The following KATNAL1 variants were observed in gnomAD, a reference collection of about 807,000 sequenced individuals.
The protein encoded by KATNAL1 is katanin catalytic subunit A1 like 1.
KATNAL1 carries 32 observed loss-of-function variants against 55.2 expected under a neutral mutation model. That is an observed-to-expected ratio of 0.58 (90% confidence interval 0.44 to 0.78). The LOEUF is 0.78. Ranked by LOEUF, KATNAL1 falls within the 30% of genes least tolerant of loss-of-function variation. KATNAL1 has a pLI of 0.00. For synonymous variants in KATNAL1, 193 were observed against 193.6 expected (o/e 1.00, Z 0.02); for missense variants, 466 against 600.9 (o/e 0.78, Z 2.35).
At chr13:30,223,049 C>G (rs139668100) in intron 9 of KATNAL1, among the ~76,000 whole-genome samples, 5 of 151,560 alleles carry the variant, frequency 3.3e-5, no homozygotes, top group Non-Finnish European at 7.4e-5. Context: ...AAGCCCAGAT[C>G]GCGCCACTGC....
intron 1 of KATNAL1, among the ~76,000 whole-genome samples, chr13:30,299,573 T>G (rs1882737212): frequency 6.6e-6 from 1 of 152,170 alleles, no homozygotes; most frequent in South Asian, 2.1e-4. Flanking sequence ...TAAATCTCCT[T>G]TAATATAAAT....
intron 1 of KATNAL1, among the ~76,000 whole-genome samples, chr13:30,294,941 T>C (rs1882381743): frequency 6.6e-6 from 1 of 152,250 alleles, no homozygotes. Context: ...GTTTACAGTA[T>C]GGCTTACTGA....
chr13:30,215,903 T>G lies in KATNAL1; in HGVS notation c.1148-5461A>C, dbSNP rs1281559695. Reference sequence around the variant, plus strand: ...AACTAACCTGCCCATTGTGCACATGTACCCTAAAACTTAAAGTATAATAAT... The same window carrying G: ...AACTAACCTGCCCATTGTGCACATGGACCCTAAAACTTAAAGTATAATAAT... On this transcript the variant is annotated intron_variant, in intron 9 of 10. Transcript: ENST00000380615. 5.3e-5 allele frequency among the ~76,000 whole-genome samples: 8 copies of G among 152,252 alleles called. No homozygotes were observed. In the East Asian group the frequency reaches 1.5e-3, roughly 29 times the overall value.
Position 30,281,468 on chromosome 13 carries a change from T to C in KATNAL1, c.163-1245A>G, listed in dbSNP as rs984906372. On this transcript the variant is annotated intron_variant, in intron 2 of 10. Coordinates refer to ENST00000380615, the MANE Select transcript of KATNAL1 (RefSeq NM_032116.5). ...GAATATATAAAAAACATTTCCATAA[T>C]AGATTAATAAAATACCCTGCCTGTG... Among the ~76,000 whole-genome samples the C allele has an allele frequency of 2.6e-5, 4 of 152,264 alleles. No individual in the cohort carries two copies. The South Asian group carries it at 6.2e-4, about 24-fold the overall frequency.
chr13:30,290,324 G>C (rs1358565679), intron 1 of KATNAL1, among the ~76,000 whole-genome samples: 1 of 149,224 alleles, frequency 6.7e-6, no homozygotes, highest in Admixed American at 6.6e-5. Flanking sequence ...CCAGGAAAGA[G>C]AGAAAAAAAA....
chr13:30,241,207 T>A, intron 4 of KATNAL1, 121 bp from the exon 5 acceptor site: 1 of 885,464 alleles, frequency 1.1e-6, no homozygotes, highest in Non-Finnish European at 1.7e-6. Context: ...TTTAAGGTAG[T>A]ATTTTCTGAT....
intron 9 of KATNAL1, among the ~76,000 whole-genome samples, chr13:30,213,470 A>G (rs1308845421): frequency 6.6e-6 from 1 of 152,064 alleles, no homozygotes; most frequent in Non-Finnish European, 1.5e-5. Flanking sequence ...GACACACCCA[A>G]AAAAGAGAAT....
intron 3 of KATNAL1, among the ~76,000 whole-genome samples, chr13:30,263,213 C>T (rs534823976): frequency 2.6e-5 from 4 of 152,208 alleles, no homozygotes; most frequent in South Asian, 2.1e-4. Flanking sequence ...ATTGATGGGA[C>T]GTATCTCAAA....
In KATNAL1 at chr13:30,229,072, T is replaced by C. The variant is rs150356532; in HGVS notation, c.1012+1396A>G. ...TCAGTCCCTCACCCTGGATATTTTT[T>C]AATGTATTTTATCTGTTCTAATGTT... On this transcript the variant is annotated intron_variant, in intron 8 of 10. Coordinates refer to ENST00000380615, the MANE Select transcript of KATNAL1 (RefSeq NM_032116.5). Among the ~76,000 whole-genome samples, 432 of 152,322 alleles carry C rather than the reference T, an allele frequency of 2.8e-3. 4 individuals carry two copies. The highest frequency in any genetic ancestry group is 9.9e-3 in the African/African-American group (410 of 41,590).
At position 30,244,183 on chromosome 13, in the gene KATNAL1, T is replaced by C. The variant is rs140553720; in HGVS notation, c.493-3097A>G. 3.1e-3 allele frequency among the ~76,000 whole-genome samples: 472 copies of C among 152,152 alleles called. 2 individuals are homozygous for C. Among genetic ancestry groups the C allele is most frequent in the African/African-American group, 0.011 (450 of 41,500 alleles). On this transcript the variant is annotated intron_variant, in intron 4 of 10. Coordinates refer to ENST00000380615, the MANE Select transcript of KATNAL1 (RefSeq NM_032116.5). ...CTTATGAGTGAGAATATGTAGTGTT[T>C]GGTTTTCTGTTCCTGTGTTAGTTTG...
chr13:30,264,992 GAC>G (rs1879630156), intron 3 of KATNAL1, among the ~76,000 whole-genome samples: 6 of 148,728 alleles, frequency 4.0e-5, no homozygotes, highest in Non-Finnish European at 5.9e-5. Flanking sequence ...AACAATGATA[GAC>G]TGGATTAAGA....
chr13:30,208,439 C>A lies in KATNAL1; in HGVS notation c.*101G>T. On this transcript the variant is annotated 3_prime_UTR_variant, in exon 11 of 11. Coordinates refer to ENST00000380615, the MANE Select transcript of KATNAL1 (RefSeq NM_032116.5). ...ATTTTTTTTTCCTTTAAGCGAAAAC[C>A]ACTCCACTGAAAAAAATTCCAAACT... is the stretch of plus-strand genomic sequence containing the variant. 1.0e-6 allele frequency: 1 copy of A among 956,718 alleles called. No individual in the cohort carries two copies. Among genetic ancestry groups the A allele is most frequent in the South Asian group, 1.9e-5 (1 of 52,476 alleles). The allele number at this position is 956,718 out of a possible 1,614,324, so 59.3% of individuals were successfully genotyped here.
intron 3 of KATNAL1, among the ~76,000 whole-genome samples, chr13:30,260,067 GACCCCCCAGCAGCCTAACTGGGAGGT>G (rs1879143852): frequency 6.6e-6 from 1 of 152,106 alleles, no homozygotes; most frequent in South Asian, 2.1e-4. Flanking sequence ...CCCTGACCCC[GACCCCCCAGCAGCCTAACTGGGAGGT>G]ACCCCCCAGC....
At chr13:30,306,622 A>G (rs1224786519) in intron 1 of KATNAL1, 2 of 152,216 alleles carry the variant, frequency 1.3e-5, no homozygotes, top group South Asian at 4.1e-4. Flanking sequence ...GTAATTACCA[A>G]TTGATGGGTT....
intron 9 of KATNAL1, among the ~76,000 whole-genome samples, chr13:30,225,913 C>A (rs373228393): frequency 7.0e-4 from 107 of 152,040 alleles, no homozygotes; most frequent in African/African-American, 2.4e-3. Context: ...ATGCACAATG[C>A]ACAGATCTAA....
At chr13:30,254,937 TA>T (rs920864501) in intron 4 of KATNAL1, among the ~76,000 whole-genome samples, 8 of 152,192 alleles carry the variant, frequency 5.3e-5, no homozygotes, top group Middle Eastern at 3.2e-3. Flanking sequence ...ATCAATTTCC[TA>T]AATAAGTACG....
At chr13:30,231,604 GATGCATTT>G (rs1876105888) in intron 6 of KATNAL1, 132 bp from the exon 7 acceptor site, 2 of 508,760 alleles carry the variant, frequency 3.9e-6, no homozygotes, top group Non-Finnish European at 6.4e-6. Context: ...GTAAAATCAT[GATGCATTT>G]AGTAAGAGTA....
chr13:30,218,838 C>T (rs1025826385), intron 9 of KATNAL1, among the ~76,000 whole-genome samples: 2 of 152,216 alleles, frequency 1.3e-5, no homozygotes, highest in South Asian at 2.1e-4. Context: ...CCCCCAACCA[C>T]GACCCAAGGC....
rs1593871786 is a variant in KATNAL1, at chr13:30,240,844, A to T, written c.620+115T>A. ...TGTCTCGTCAATTCTATACTTTCAT[A>T]TTATAGATGTGGTCATAATCAGATT... On this transcript the variant is annotated intron_variant, in intron 5 of 10. Transcript: ENST00000380615. 3 of 949,758 alleles carry T rather than the reference A, an allele frequency of 3.2e-6. No individual in the cohort carries two copies. The East Asian group carries it at 7.6e-5, about 24-fold the overall frequency. 58.8% of individuals were successfully genotyped at this position (949,758 alleles called of 1,614,324 possible).
Sources: gnomAD v4.1 joint callset for allele counts (sites outside exome capture counted in the v4.1 genomes callset) on GRCh38, gnomAD v4.1.1 for gene constraint, MANE v1.5 for transcripts, NCBI Gene and HGNC (gene_info 2026-07-23, HGNC 2026-07-21) for gene names.